BICD1: variants seen among roughly 807,000 people sequenced by gnomAD.
BICD1 encodes protein bicaudal D homolog 1.
BICD1 carries 35 observed loss-of-function variants against 92.5 expected under a neutral mutation model. That is an observed-to-expected ratio of 0.38 (90% CI 0.29 to 0.50). The LOEUF (loss-of-function observed/expected upper bound fraction) is 0.50. BICD1 is among the 20% of genes least tolerant of loss of function. The probability of loss-of-function intolerance (pLI) is 0.93; values close to 1 mark genes in which losing one functional copy is unlikely to be tolerated. For missense variants in BICD1, 950 were observed against 1,189.8 expected (o/e 0.80, Z 2.97); for synonymous variants, 429 against 465.1 (o/e 0.92, Z 1.00).
intron 8 of BICD1, among the ~76,000 whole-genome samples, chr12:32,341,191 C>T (rs949140440): frequency 5.9e-5 from 9 of 151,904 alleles, no homozygotes; most frequent in African/African-American, 1.7e-4. Flanking sequence ...TTATGAGATT[C>T]GAGGCCGGCT....
At chr12:32,156,463 C>A (rs1476033487) in intron 1 of BICD1, among the ~76,000 whole-genome samples, 1 of 152,188 alleles carries the variant, frequency 6.6e-6, no homozygotes, top group Admixed American at 6.5e-5. Flanking sequence ...CCAGCTGTCA[C>A]ATTACTGAAA....
At chr12:32,153,041 G>C (rs1318055380) in intron 1 of BICD1, among the ~76,000 whole-genome samples, 1 of 152,174 alleles carries the variant, frequency 6.6e-6, no homozygotes, top group African/African-American at 2.4e-5. Context: ...ATAGTATACA[G>C]TAGTTTTTCA....
At chr12:32,131,915 C>G (rs1684115) in intron 1 of BICD1, among the ~76,000 whole-genome samples, 122,276 of 152,148 alleles carry the variant, frequency 0.8, 49,198 homozygotes, top group Middle Eastern at 0.88. Context: ...GTGCTAAAAA[C>G]TAAATAAAGC....
intron 2 of BICD1, among the ~76,000 whole-genome samples, chr12:32,253,618 C>T (rs1645597146): frequency 6.6e-6 from 1 of 152,116 alleles, no homozygotes. Context: ...TAAATAATGA[C>T]AGAAATAATT....
chr12:32,231,024 T>G (rs879322444), intron 2 of BICD1, among the ~76,000 whole-genome samples: 19 of 152,232 alleles, frequency 1.2e-4, no homozygotes, highest in Non-Finnish European at 2.6e-4. Context: ...AGTGATATTA[T>G]ATTTGTCAAT....
rs926463378 is a variant in BICD1, at chr12:32,207,744, C to A, written c.214-8503C>A. ...TAAGAGAAAAAAGAAAAAGCTGCAA[C>A]CTTTGCTAATATAAACCGTAAGAGC... On this transcript the variant is annotated intron_variant, in intron 1 of 9. Coordinates refer to ENST00000652176, the MANE Select transcript of BICD1 (RefSeq NM_001714.4). 9.2e-5 allele frequency among the ~76,000 whole-genome samples: 14 copies of A among 152,242 alleles called. No individual in the cohort carries two copies. The South Asian group carries it at 1.7e-3, about 18-fold the overall frequency.
intron 2 of BICD1, among the ~76,000 whole-genome samples, chr12:32,272,007 C>T (rs768840785): frequency 6.6e-6 from 1 of 152,082 alleles, no homozygotes; most frequent in African/African-American, 2.4e-5. Flanking sequence ...TCAGTTTACC[C>T]ATTATTGTAG....
intron 3 of BICD1, among the ~76,000 whole-genome samples, chr12:32,299,510 G>GTGAA (rs1442890569): frequency 1.3e-5 from 2 of 152,182 alleles, no homozygotes; most frequent in Middle Eastern, 3.2e-3. Context: ...AAACAGCTGG[G>GTGAA]TGAATAGTAG....
At chr12:32,146,921 T>C (rs534613188) in intron 1 of BICD1, among the ~76,000 whole-genome samples, 98 of 148,104 alleles carry the variant, frequency 6.6e-4, no homozygotes, top group African/African-American at 2.3e-3. Flanking sequence ...TTCTTCCTTC[T>C]TCCTCCTTCC....
chr12:32,237,329 A>C (rs1946102411), intron 2 of BICD1, among the ~76,000 whole-genome samples: 1 of 152,256 alleles, frequency 6.6e-6, no homozygotes, highest in African/African-American at 2.4e-5. Flanking sequence ...TAAAAGGGCA[A>C]GTAAACAGCA....
chr12:32,136,429 C>T (rs956361), intron 1 of BICD1, among the ~76,000 whole-genome samples: 84,994 of 152,038 alleles, frequency 0.56, 24,072 homozygotes, highest in Admixed American at 0.65. Context: ...ACCCAGAAAA[C>T]GAGGATCGTA....
chr12:32,338,628 ATG>A (rs1938227988), intron 7 of BICD1, 156 bp from the exon 8 acceptor site: 1 of 598,852 alleles, frequency 1.7e-6, no homozygotes, highest in African/African-American at 2.1e-5. Flanking sequence ...TTGTATCCTG[ATG>A]TGGAAACTAA....
At chr12:32,369,095 A>T (rs1301228096) in intron 9 of BICD1, among the ~76,000 whole-genome samples, 1 of 152,238 alleles carries the variant, frequency 6.6e-6, no homozygotes, top group African/African-American at 2.4e-5. Context: ...AGATTACTTG[A>T]AAAATTGTTA....
chr12:32,158,092 G>A (rs567834430), intron 1 of BICD1, among the ~76,000 whole-genome samples: 38 of 145,746 alleles, frequency 2.6e-4, no homozygotes, highest in Non-Finnish European at 4.2e-4. Flanking sequence ...TTTGAGCCTA[G>A]GGGTTTTTTT....
intron 1 of BICD1, among the ~76,000 whole-genome samples, chr12:32,176,553 C>T (rs1944094870): frequency 6.6e-6 from 1 of 152,304 alleles, no homozygotes; most frequent in South Asian, 2.1e-4. Flanking sequence ...CTAGAAAGTC[C>T]CTTGTTCCTT....
intron 1 of BICD1, among the ~76,000 whole-genome samples, chr12:32,128,794 A>G (rs1288931124): frequency 2.0e-5 from 3 of 151,906 alleles, no homozygotes; most frequent in African/African-American, 7.3e-5. Context: ...GTTTTTTAAG[A>G]TAGGGTATTG....
At chr12:32,186,045 C>T (rs1414015720) in intron 1 of BICD1, among the ~76,000 whole-genome samples, 1 of 152,214 alleles carries the variant, frequency 6.6e-6, no homozygotes, top group African/African-American at 2.4e-5. Flanking sequence ...CCTGTCTCTC[C>T]AAATTGCTGC....
intron 1 of BICD1, among the ~76,000 whole-genome samples, chr12:32,186,656 ATGG>A (rs1467019312): frequency 6.6e-6 from 1 of 152,206 alleles, no homozygotes; most frequent in African/African-American, 2.4e-5. Flanking sequence ...AGAAAACCAA[ATGG>A]TGGAATGGAC....
At chr12:32,246,938 T>G (rs926561342) in intron 2 of BICD1, among the ~76,000 whole-genome samples, 5 of 151,556 alleles carry the variant, frequency 3.3e-5, no homozygotes, top group African/African-American at 9.7e-5. Flanking sequence ...ACATCAAGAG[T>G]TCTGTTTTGA....
Sources: gnomAD v4.1 joint callset for allele counts (sites outside exome capture counted in the v4.1 genomes callset) on GRCh38, gnomAD v4.1.1 for gene constraint, MANE v1.5 for transcripts, NCBI Gene and HGNC (gene_info 2026-07-23, HGNC 2026-07-21) for gene names.